The following SLC35D4 variants were observed in gnomAD, a reference collection of about 807,000 sequenced individuals.
SLC35D4 encodes the protein solute carrier family 35 member D4, also known as UDP-N-acetylglucosamine transporter SLC35D4.
chr18:23,308,697 A>C, the SLC35D4 span, among the ~76,000 whole-genome samples: 7 of 151,668 alleles, frequency 4.6e-5, no homozygotes, highest in Non-Finnish European at 7.4e-5. Context: ...TCACTCCCTC[A>C]CTTCCTTCTG....
chr18:23,335,885 A>G, the SLC35D4 span, among the ~76,000 whole-genome samples: 1 of 152,222 alleles, frequency 6.6e-6, no homozygotes, highest in African/African-American at 2.4e-5. Flanking sequence ...AAAACCTTAG[A>G]GTCAGGAAGT....
the SLC35D4 span, among the ~76,000 whole-genome samples, chr18:23,422,627 T>C: frequency 1.3e-5 from 2 of 152,024 alleles, no homozygotes; most frequent in African/African-American, 4.8e-5. Context: ...GTCAAAGCGT[T>C]TGTCCTAAAA....
chr18:23,294,940 A>G, the SLC35D4 span, among the ~76,000 whole-genome samples: 3 of 152,140 alleles, frequency 2.0e-5, no homozygotes, highest in East Asian at 3.8e-4. Flanking sequence ...TTTAAACTGC[A>G]TGGCTCTTTG....
chr18:23,340,808 C>A, the SLC35D4 span, among the ~76,000 whole-genome samples: 3 of 152,174 alleles, frequency 2.0e-5, no homozygotes, highest in Non-Finnish European at 4.4e-5. Context: ...ACAAGCATTG[C>A]CGCTGCTGTC....
At chr18:23,389,098 T>C in the SLC35D4 span, among the ~76,000 whole-genome samples, 3 of 150,572 alleles carry the variant, frequency 2.0e-5, no homozygotes, top group Non-Finnish European at 4.4e-5. Flanking sequence ...CAAGTGATTC[T>C]CCTGCCTCAA....
At chr18:23,298,106 G>T in the SLC35D4 span, 1 of 1,612,522 alleles carries the variant, frequency 6.2e-7, no homozygotes. Flanking sequence ...CCACTCCCCC[G>T]GGACCCCTGA....
the SLC35D4 span, among the ~76,000 whole-genome samples, chr18:23,289,688 C>T: frequency 2.6e-5 from 4 of 152,184 alleles, no homozygotes; most frequent in South Asian, 4.1e-4. Flanking sequence ...CATCATATCC[C>T]GTGACCTGCA....
At chr18:23,396,973 C>G in the SLC35D4 span, among the ~76,000 whole-genome samples, 1 of 152,100 alleles carries the variant, frequency 6.6e-6, no homozygotes, top group Non-Finnish European at 1.5e-5. Context: ...GATCACAGCT[C>G]AAGAAGCGTT....
the SLC35D4 span, among the ~76,000 whole-genome samples, chr18:23,241,672 T>C: frequency 6.6e-6 from 1 of 152,264 alleles, no homozygotes; most frequent in African/African-American, 2.4e-5. Context: ...TTAATTTCTC[T>C]TGGGGTAAAT....
At chr18:23,273,043 G>GT in the SLC35D4 span, among the ~76,000 whole-genome samples, 18 of 152,300 alleles carry the variant, frequency 1.2e-4, 1 homozygote, top group South Asian at 3.7e-3. Flanking sequence ...AATCAGCCTG[G>GT]TTTTATCTTG....
chr18:23,252,370 A>T, the SLC35D4 span, among the ~76,000 whole-genome samples: 26 of 152,204 alleles, frequency 1.7e-4, no homozygotes, highest in Non-Finnish European at 3.1e-4. Context: ...GGTAAATTGT[A>T]TGTGATGTGT....
the SLC35D4 span, chr18:23,385,028 C>G: frequency 1.9e-6 from 3 of 1,613,746 alleles, no homozygotes; most frequent in Non-Finnish European, 2.5e-6. Flanking sequence ...CAGATGATAA[C>G]TTCAGCTACA....
chr18:23,301,771 C>T, the SLC35D4 span, among the ~76,000 whole-genome samples: 4 of 152,224 alleles, frequency 2.6e-5, no homozygotes, highest in East Asian at 1.9e-4. Context: ...ACAAGGATAC[C>T]GCTCTCAGGT....
the SLC35D4 span, among the ~76,000 whole-genome samples, chr18:23,246,425 T>G: frequency 3.3e-5 from 5 of 152,108 alleles, no homozygotes; most frequent in Admixed American, 2.0e-4. Flanking sequence ...GGAGTCTTGC[T>G]CTGTCGCCCA....
chr18:23,388,228 G>A, the SLC35D4 span, among the ~76,000 whole-genome samples: 73 of 152,250 alleles, frequency 4.8e-4, no homozygotes, highest in African/African-American at 1.7e-3. Context: ...CCCTTACTCT[G>A]ATCAGATTCT....
chr18:23,273,644 G>T, the SLC35D4 span, among the ~76,000 whole-genome samples: 1 of 152,092 alleles, frequency 6.6e-6, no homozygotes, highest in African/African-American at 2.4e-5. Context: ...GAGGACTTCT[G>T]GGGTGACTGC....
the SLC35D4 span, chr18:23,310,210 C>T: frequency 4.0e-5 from 39 of 985,354 alleles, 1 homozygote; most frequent in East Asian, 1.1e-4. Context: ...ACCATCTCTC[C>T]GTCCTCACCT....
At chr18:23,370,045 G>A in the SLC35D4 span, among the ~76,000 whole-genome samples, 1 of 152,170 alleles carries the variant, frequency 6.6e-6, no homozygotes, top group Admixed American at 6.5e-5. Context: ...CAAGCATGGT[G>A]GCGCATGCCT....
the SLC35D4 span, among the ~76,000 whole-genome samples, chr18:23,419,445 A>C: frequency 1.2e-4 from 19 of 152,062 alleles, no homozygotes; most frequent in African/African-American, 4.6e-4. Context: ...GGTATGTGCC[A>C]CCACGCCCAG....
Sources: gnomAD v4.1 joint callset for allele counts (sites outside exome capture counted in the v4.1 genomes callset) on GRCh38, gnomAD v4.1.1 for gene constraint, MANE v1.5 for transcripts, NCBI Gene and HGNC (gene_info 2026-07-23, HGNC 2026-07-21) for gene names.